CSMD2: variants seen among roughly 807,000 people sequenced by gnomAD.
CSMD2 encodes the protein CUB and Sushi multiple domains 2, also known as CUB and sushi domain-containing protein 2.
A neutral mutation model predicts 398.5 loss-of-function variants in CSMD2; 130 were observed. That is an observed-to-expected ratio of 0.33 (90% CI 0.28 to 0.38). The LOEUF is 0.38. Ranked by LOEUF, CSMD2 falls within the 10% of genes least tolerant of loss-of-function variation. CSMD2 has a pLI of 1.00. For synonymous variants in CSMD2, 1,828 were observed against 1,908.5 expected (o/e 0.96, Z 1.10); for missense variants, 3,829 against 4,764.9 (o/e 0.80, Z 5.78).
Position 33,537,508 on chromosome 1 carries a change from C to G in CSMD2, c.9733G>C (p.Val3245Leu), listed in dbSNP as rs1052062554. ...SVSFSCHPPL[V>L]LVGSPRRFCQ... ...AACCTGCGTGGAGAGCCCACCAGCA[C>G]CAGAGGGGGATGGCAGGAGAAGGAG... The change falls in exon 61 of 71, where the codon GTG (valine) becomes CTG (leucine). Residue 3245 changes from valine (V) to leucine (L), a missense_variant. This residue lies in a region of CSMD2 where 917 missense variants were observed against 1,199.5 expected (regional missense o/e 0.76). Coordinates refer to ENST00000373381, the MANE Select transcript of CSMD2 (RefSeq NM_001281956.2). The surrounding 1 kb of genome is among the most constrained non-coding windows in gnomAD (Gnocchi z 4.6). The G allele has an allele frequency of 6.2e-7, 1 of 1,614,170 alleles. No individual in the cohort carries two copies. The highest frequency in any genetic ancestry group is 1.3e-5 in the African/African-American group (1 of 75,046).
intron 1 of CSMD2, among the ~76,000 whole-genome samples, chr1:34,124,818 CA>C (rs1246954816): frequency 1.3e-5 from 2 of 152,282 alleles, no homozygotes; most frequent in Admixed American, 6.5e-5. Flanking sequence ...GAACATCTCA[CA>C]TTTTTTTGTA....
chr1:34,000,250 C>T (rs1382068594), intron 3 of CSMD2, among the ~76,000 whole-genome samples: 2 of 151,996 alleles, frequency 1.3e-5, no homozygotes, highest in African/African-American at 4.8e-5. Flanking sequence ...GGAATGTGGA[C>T]CAGCCATGGG....
Position 33,515,178 on chromosome 1 carries a change from C to T in CSMD2, c.*1446G>A, listed in dbSNP as rs1570586575. 6.6e-6 allele frequency: 1 copy of T among 152,222 alleles called. No homozygotes were observed. The highest frequency in any genetic ancestry group is 1.5e-5 in the Non-Finnish European group (1 of 68,058). The allele number at this position is 152,222 out of a possible 1,614,324, so 9.4% of individuals were successfully genotyped here. On this transcript the variant is annotated 3_prime_UTR_variant, in exon 71 of 71. Transcript: ENST00000373381. ...GCTGTCAAAATCAATCAAACCCACT[C>T]GCAAGGAGCTGGAGAGGTGTGACTT...
intron 2 of CSMD2, among the ~76,000 whole-genome samples, chr1:34,049,413 A>T (rs986775042): frequency 2.0e-5 from 3 of 152,154 alleles, no homozygotes; most frequent in South Asian, 4.2e-4. Context: ...AGCACCATTC[A>T]TATTACGGTA....
At chr1:33,623,281 T>G (rs2148878549) in intron 36 of CSMD2, 89 bp downstream of exon 36, 2 of 897,478 alleles carry the variant, frequency 2.2e-6, no homozygotes, top group Non-Finnish European at 3.6e-6. Context: ...ATAAGTGATA[T>G]CTCAATAATA....
At chr1:33,745,821 A>G (rs998001204) in intron 13 of CSMD2, among the ~76,000 whole-genome samples, 2 of 152,218 alleles carry the variant, frequency 1.3e-5, no homozygotes, top group African/African-American at 4.8e-5. Context: ...GGCAATTATT[A>G]TTATATATTA....
chr1:34,095,312 G>C (rs1381305185), intron 1 of CSMD2, among the ~76,000 whole-genome samples: 1 of 142,638 alleles, frequency 7.0e-6, no homozygotes, highest in Non-Finnish European at 1.5e-5. Context: ...AAGCAGGAAA[G>C]ATCCAAAATT....
chr1:33,758,833 C>T (rs562244188), intron 13 of CSMD2, among the ~76,000 whole-genome samples: 1 of 152,266 alleles, frequency 6.6e-6, no homozygotes, highest in South Asian at 2.1e-4. Flanking sequence ...TAGTTTGGCT[C>T]TGTTCCCTGA....
intron 2 of CSMD2, among the ~76,000 whole-genome samples, chr1:34,084,871 C>T (rs112387973): frequency 0.014 from 2,205 of 152,190 alleles, 47 homozygotes; most frequent in African/African-American, 0.049. Flanking sequence ...CCAGCCATCC[C>T]GTTACTGGGT....
intron 22 of CSMD2, among the ~76,000 whole-genome samples, chr1:33,703,770 G>T (rs1436105745): frequency 6.6e-6 from 1 of 152,162 alleles, no homozygotes; most frequent in Non-Finnish European, 1.5e-5. Context: ...CTTTGAAAAG[G>T]AATAGCAATT....
chr1:33,570,166 C>CTT lies in CSMD2; in HGVS notation c.7958-621_7958-620dup, dbSNP rs5773416. 7.7e-5 allele frequency among the ~76,000 whole-genome samples: 9 copies of CTT among 117,284 alleles called. No individual in the cohort carries two copies. In the East Asian group the frequency reaches 7.7e-4, roughly 10 times the overall value. The allele number at this position is 117,284 out of a possible 152,430, so 76.9% of individuals were successfully genotyped here. The stretch of plus-strand genomic sequence containing the variant: ...CAGTGTCATGAATCACGGACATTGG[C>CTT]TTTTTTTTTTTTTTTTTTTGAGACG... On this transcript the variant is annotated intron_variant, in intron 51 of 70. Transcript: ENST00000373381.
At chr1:33,622,598 G>T (rs1389338121) in intron 36 of CSMD2, among the ~76,000 whole-genome samples, 3 of 152,186 alleles carry the variant, frequency 2.0e-5, no homozygotes, top group African/African-American at 7.2e-5. Flanking sequence ...GGGCAGTCCT[G>T]CAGTGTGGAC....
chr1:33,670,965 G>A (rs1210627897), intron 25 of CSMD2, among the ~76,000 whole-genome samples: 1 of 152,180 alleles, frequency 6.6e-6, no homozygotes, highest in Non-Finnish European at 1.5e-5. Flanking sequence ...AACAGGATGA[G>A]TCCAGATGAA....
chr1:33,866,959 A>G (rs1040332023), intron 5 of CSMD2, among the ~76,000 whole-genome samples: 3 of 152,198 alleles, frequency 2.0e-5, no homozygotes, highest in African/African-American at 7.2e-5. Context: ...CTAATAGGTA[A>G]TATAGCGGAT....
intron 64 of CSMD2, among the ~76,000 whole-genome samples, chr1:33,529,182 C>T (rs2794592): frequency 0.62 from 93,574 of 152,106 alleles, 29,074 homozygotes; most frequent in East Asian, 0.72. Flanking sequence ...GCTCTGTTAT[C>T]CAGGCTGGAG....
chr1:34,165,599 AACACACACAC>A (rs113072230), upstream of CSMD2: 8 of 636,984 alleles, frequency 1.3e-5, no homozygotes, highest in Non-Finnish European at 1.9e-5. Context: ...CACACACACA[AACACACACAC>A]ACACACACAG....
intron 26 of CSMD2, among the ~76,000 whole-genome samples, chr1:33,661,193 TTTTTC>T (rs1202774171): frequency 7.9e-5 from 12 of 152,340 alleles, no homozygotes; most frequent in East Asian, 7.7e-4. Context: ...AATTATGGGC[TTTTTC>T]TTTTCTTTTA....
At chr1:34,064,808 T>C (rs1367178419) in intron 2 of CSMD2, among the ~76,000 whole-genome samples, 1 of 151,546 alleles carries the variant, frequency 6.6e-6, no homozygotes, top group Admixed American at 6.6e-5. Context: ...GAAAAAGAGG[T>C]TTAATTGGAC....
chr1:33,959,963 C>G (rs961848463), intron 3 of CSMD2, among the ~76,000 whole-genome samples: 1 of 152,196 alleles, frequency 6.6e-6, no homozygotes, highest in African/African-American at 2.4e-5. Context: ...GGGCATAGGT[C>G]AAATGAATGA....
Sources: allele counts gnomAD v4.1 joint callset (sites outside exome capture counted in the v4.1 genomes callset), GRCh38; gene constraint gnomAD v4.1.1; regional missense constraint gnomAD v4.1.1; non-coding constraint Gnocchi (gnomAD v3.1); transcripts MANE v1.5; gene names NCBI Gene and HGNC (gene_info 2026-07-23, HGNC 2026-07-21).